ETNK1: variants seen among roughly 807,000 people sequenced by gnomAD.
ETNK1 encodes ethanolamine kinase 1.
In ETNK1, 8 loss-of-function variants were observed where a neutral mutation model predicts 45.1. The observed-to-expected ratio is 0.18, with a 90% CI of 0.10 to 0.32. ETNK1 has a LOEUF of 0.32. Ranked by LOEUF, ETNK1 falls within the 10% of genes least tolerant of loss-of-function variation. The pLI is 1.00. For synonymous variants in ETNK1, 152 were observed against 151.9 expected (o/e 1.00, Z -0.01); for missense variants, 302 against 430.6 (o/e 0.70, Z 2.64).
At chr12:22,679,923 C>A (rs1163076378) in intron 6 of ETNK1, among the ~76,000 whole-genome samples, 2 of 152,148 alleles carry the variant, frequency 1.3e-5, no homozygotes, top group East Asian at 3.9e-4. Context: ...AACTCCTGAC[C>A]TCAAATGATC....
intron 2 of ETNK1, among the ~76,000 whole-genome samples, chr12:22,658,328 CAA>C (rs1179111732): frequency 2.6e-5 from 4 of 152,230 alleles, no homozygotes; most frequent in African/African-American, 9.6e-5. Context: ...AGAGTACACT[CAA>C]AATCTTAAGT....
At position 22,643,778 on chromosome 12, in the gene ETNK1, A is replaced by G; in HGVS notation, c.172A>G (p.Ile58Val). Reference sequence around the variant, plus strand: ...TTTTTGGCAGCTCTTCACAGATGGAATCACAAATAAACTTATTGGCTGTTA... The same window carrying G: ...TTTTTGGCAGCTCTTCACAGATGGAGTCACAAATAAACTTATTGGCTGTTA... ...EVTLQLFTDGITNKLIGCYVG... is the reference protein window; with the variant it reads ...EVTLQLFTDGVTNKLIGCYVG... The change falls in exon 2 of 8, where the codon ATC (isoleucine) becomes GTC (valine). Residue 58 changes from isoleucine to valine, a missense_variant. Transcript: ENST00000266517. The G allele has an allele frequency of 6.2e-7, 1 of 1,608,982 alleles. No homozygotes were observed. Among genetic ancestry groups the G allele is most frequent in the Non-Finnish European group, 8.5e-7 (1 of 1,176,802 alleles).
chr12:22,633,299 C>T (rs944625693), intron 1 of ETNK1, among the ~76,000 whole-genome samples: 1 of 152,146 alleles, frequency 6.6e-6, no homozygotes, highest in East Asian at 1.9e-4. Flanking sequence ...GAACTCCTGG[C>T]CTCAAGCAAT....
Position 22,684,878 on chromosome 12 carries a change from C to A in ETNK1, c.1020-4C>A. Reference sequence around the variant, plus strand: ...ATTTTTTTGTTGTTCTCTTTTCTCACTAGGTATGCAATTGTTCGTTTTAAC... The same window carrying A: ...ATTTTTTTGTTGTTCTCTTTTCTCAATAGGTATGCAATTGTTCGTTTTAAC... On this transcript the variant is annotated splice_region_variant and splice_polypyrimidine_tract_variant and intron_variant, in intron 7 of 7. Transcript: ENST00000266517. 1 of 1,597,064 alleles carries A rather than the reference C, an allele frequency of 6.3e-7. No individual in the cohort carries two copies. Among genetic ancestry groups the A allele is most frequent in the Non-Finnish European group, 8.5e-7 (1 of 1,174,464 alleles).
At chr12:22,628,340 C>G (rs1422699405) in intron 1 of ETNK1, among the ~76,000 whole-genome samples, 1 of 152,030 alleles carries the variant, frequency 6.6e-6, no homozygotes, top group Non-Finnish European at 1.5e-5. Flanking sequence ...GAAGGTGCTT[C>G]TGTATAAAAT....
rs547148093 is a variant in ETNK1 at position 22,689,126 on chromosome 12, G to A, written c.*4172G>A. On this transcript the variant is annotated 3_prime_UTR_variant, in exon 8 of 8. Coordinates refer to ENST00000266517, the MANE Select transcript of ETNK1 (RefSeq NM_018638.5). ...AAATTAATAAGATGTATTACATAAT[G>A]AATTAGATTTCTCTGAACAGTTTTT... 16 of 152,000 alleles carry A rather than the reference G, an allele frequency of 1.1e-4. No individual in the cohort carries two copies. In the South Asian group the frequency reaches 2.5e-3, roughly 24 times the overall value. 9.4% of individuals were successfully genotyped at this position (152,000 alleles called of 1,614,324 possible).
chr12:22,688,911 T>C lies in ETNK1; in HGVS notation c.*3957T>C, dbSNP rs376715235. On this transcript the variant is annotated 3_prime_UTR_variant, in exon 8 of 8. Coordinates refer to ENST00000266517, the MANE Select transcript of ETNK1 (RefSeq NM_018638.5). ...ACATTATTTATATTGAACCACCTTA[T>C]TTTAAAATTTTTAACTTTTATATAC... 3.3e-5 allele frequency: 5 copies of C among 152,052 alleles called. No individual in the cohort carries two copies. The highest frequency in any genetic ancestry group is 4.1e-4 in the South Asian group (2 of 4,824). The allele number at this position is 152,052 out of a possible 1,614,324, so 9.4% of individuals were successfully genotyped here.
At chr12:22,635,493 CTA>C (rs1790332411) in intron 1 of ETNK1, among the ~76,000 whole-genome samples, 1 of 152,216 alleles carries the variant, frequency 6.6e-6, no homozygotes. Flanking sequence ...TCTTTGGTGA[CTA>C]TGATACCAAG....
At chr12:22,660,304 A>G (rs1249731830) in intron 3 of ETNK1, among the ~76,000 whole-genome samples, 1 of 152,200 alleles carries the variant, frequency 6.6e-6, no homozygotes, top group African/African-American at 2.4e-5. Context: ...GTGAAGGAGT[A>G]TAGCCGTTTT....
chr12:22,639,602 G>C (rs970532090), intron 1 of ETNK1, among the ~76,000 whole-genome samples: 1 of 151,928 alleles, frequency 6.6e-6, no homozygotes, highest in Non-Finnish European at 1.5e-5. Flanking sequence ...ACTTGAACCT[G>C]GGGGGCGGAG....
chr12:22,662,202 G>T (rs2137558471), intron 4 of ETNK1, among the ~76,000 whole-genome samples: 1 of 149,744 alleles, frequency 6.7e-6, no homozygotes, highest in Non-Finnish European at 1.5e-5. Flanking sequence ...TGAATAGTTG[G>T]GATTACAGGT....
intron 2 of ETNK1, among the ~76,000 whole-genome samples, chr12:22,648,255 TC>T (rs1333829060): frequency 1.3e-5 from 2 of 151,904 alleles, no homozygotes; most frequent in Admixed American, 6.6e-5. Flanking sequence ...TAGCGTACAC[TC>T]TTGGTGATGT....
At chr12:22,653,136 G>A (rs1046846469) in intron 2 of ETNK1, among the ~76,000 whole-genome samples, 1 of 151,844 alleles carries the variant, frequency 6.6e-6, no homozygotes, top group Admixed American at 6.6e-5. Flanking sequence ...CTCATTTAAG[G>A]TTCTTGGCAC....
At chr12:22,638,243 C>T (rs1953680484) in intron 1 of ETNK1, among the ~76,000 whole-genome samples, 1 of 147,782 alleles carries the variant, frequency 6.8e-6, no homozygotes, top group African/African-American at 2.5e-5. Flanking sequence ...TTTAACCTGT[C>T]TTTAAGGTGG....
chr12:22,687,731 AT>A lies in ETNK1; in HGVS notation c.*2778del, dbSNP rs1042291871. The A allele has an allele frequency of 6.6e-6, 1 of 152,340 alleles. No individual in the cohort carries two copies. The highest frequency in any genetic ancestry group is 1.5e-5 in the Non-Finnish European group (1 of 67,796). 9.4% of individuals were successfully genotyped at this position (152,340 alleles called of 1,614,324 possible). ...GGTCTGCCTGGAATGTATATAAAAAATGTAAATAAAAATTTGTAAATTAGTG... is the reference window on the plus strand; with the variant it reads ...GGTCTGCCTGGAATGTATATAAAAAAGTAAATAAAAATTTGTAAATTAGTG... On this transcript the variant is annotated 3_prime_UTR_variant, in exon 8 of 8. Transcript: ENST00000266517.
intron 6 of ETNK1, among the ~76,000 whole-genome samples, chr12:22,676,936 A>C (rs369219449): frequency 1.8e-4 from 28 of 151,996 alleles, no homozygotes; most frequent in South Asian, 1.5e-3. Context: ...GGATTGCAAA[A>C]ATTTTCTCCC....
chr12:22,651,214 A>G (rs1953870684), intron 2 of ETNK1, among the ~76,000 whole-genome samples: 1 of 152,234 alleles, frequency 6.6e-6, no homozygotes, highest in South Asian at 2.1e-4. Context: ...TGCATAAAGC[A>G]TGTAGAAGCT....
chr12:22,661,756 T>G (rs1954001496), intron 4 of ETNK1, among the ~76,000 whole-genome samples: 1 of 152,220 alleles, frequency 6.6e-6, no homozygotes, highest in Non-Finnish European at 1.5e-5. Context: ...TTATATCTAC[T>G]AAAGTAATCA....
At chr12:22,677,780 G>T (rs954457247) in intron 6 of ETNK1, among the ~76,000 whole-genome samples, 8 of 152,156 alleles carry the variant, frequency 5.3e-5, no homozygotes, top group Non-Finnish European at 1.2e-4. Flanking sequence ...AATTGTGAAT[G>T]GGAGTTCACT....
Sources: allele counts gnomAD v4.1 joint callset (sites outside exome capture counted in the v4.1 genomes callset), GRCh38; gene constraint gnomAD v4.1.1; transcripts MANE v1.5; gene names NCBI Gene and HGNC (gene_info 2026-07-23, HGNC 2026-07-21).